PCSK2: variants seen among roughly 807,000 people sequenced by gnomAD.
PCSK2 encodes proprotein convertase subtilisin/kexin type 2.
PCSK2 carries 14 observed loss-of-function variants against 69.7 expected under a neutral mutation model. The observed-to-expected ratio is 0.20, with a 90% CI of 0.13 to 0.31. The LOEUF is 0.31. Among genes scored for constraint, PCSK2 ranks in the 10% least tolerant of loss-of-function variants. The pLI, the probability that PCSK2 is intolerant of heterozygous loss-of-function variation, is 1.00. For synonymous variants in PCSK2, 307 were observed against 320.7 expected, an observed-to-expected ratio of 0.96 and a Z score of 0.46; for missense variants, 544 against 842.5, an observed-to-expected ratio of 0.65 and a Z score of 4.39.
chr20:17,423,874 G>C (rs1210091351), intron 6 of PCSK2, among the ~76,000 whole-genome samples: 2 of 152,190 alleles, frequency 1.3e-5, no homozygotes, highest in Non-Finnish European at 2.9e-5. Flanking sequence ...TACCTTGCTA[G>C]TGATGAGGAA....
intron 2 of PCSK2, among the ~76,000 whole-genome samples, chr20:17,274,966 A>G (rs1374678833): frequency 1.3e-5 from 2 of 151,706 alleles, no homozygotes; most frequent in African/African-American, 4.8e-5. Context: ...TTCTTTGGCT[A>G]TTATTGTTTT....
At chr20:17,444,234 T>C (rs1042398840) in intron 8 of PCSK2, among the ~76,000 whole-genome samples, 4 of 152,280 alleles carry the variant, frequency 2.6e-5, no homozygotes, top group Non-Finnish European at 4.4e-5. Context: ...ACATATGTTT[T>C]GTTTGACCAA....
Position 17,358,328 on chromosome 20 carries a change from T to A in PCSK2, c.284T>A (p.Val95Glu). ...HKQQLERDPRVKMALQQEGFD... is the reference protein window; with the variant it reads ...HKQQLERDPREKMALQQEGFD... ...AATATGTCAGCATTGTCATTCCAGG[T>A]AAAGATGGCTTTGCAGCAGGAAGGA... is the stretch of plus-strand genomic sequence containing the variant. The change falls in exon 3 of 12, where the codon GTA becomes GAA. Residue 95 changes from valine to glutamate, a missense_variant and splice_region_variant. By Grantham distance (121) the Val-to-Glu change is moderately radical. Around this residue, in one of 3 missense-constraint regions of PCSK2, gnomAD observed 157 missense variants for 155.0 expected, o/e 1.01. Coordinates refer to ENST00000262545, the MANE Select transcript of PCSK2 (RefSeq NM_002594.5). 6.3e-7 allele frequency: 1 copy of A among 1,576,220 alleles called. No homozygotes were observed. Among genetic ancestry groups the A allele is most frequent in the Non-Finnish European group, 8.7e-7 (1 of 1,145,616 alleles).
chr20:17,269,032 T>C (rs936464958), intron 2 of PCSK2, among the ~76,000 whole-genome samples: 2 of 152,176 alleles, frequency 1.3e-5, no homozygotes, highest in African/African-American at 2.4e-5. Flanking sequence ...CACTTATGCA[T>C]ATGGACAAGA....
intron 2 of PCSK2, among the ~76,000 whole-genome samples, chr20:17,298,727 A>C (rs1047627467): frequency 6.6e-6 from 1 of 152,162 alleles, no homozygotes; most frequent in Non-Finnish European, 1.5e-5. Flanking sequence ...CTCTATAGAA[A>C]GGAGGAATTA....
chr20:17,308,777 G>A (rs186187916), intron 2 of PCSK2, among the ~76,000 whole-genome samples: 46 of 152,206 alleles, frequency 3.0e-4, no homozygotes, highest in Admixed American at 7.9e-4. Context: ...TGGGGTTTTC[G>A]TGGGAGCATT....
intron 10 of PCSK2, among the ~76,000 whole-genome samples, chr20:17,458,574 G>C (rs1051437529): frequency 1.3e-5 from 2 of 152,178 alleles, no homozygotes; most frequent in Non-Finnish European, 2.9e-5. Context: ...AGAGGGATGA[G>C]GAATAGGGCC....
chr20:17,260,622 T>C (rs1219461767), intron 2 of PCSK2, among the ~76,000 whole-genome samples: 2 of 152,152 alleles, frequency 1.3e-5, no homozygotes, highest in African/African-American at 4.8e-5. Flanking sequence ...GGGTGAGGAC[T>C]TCGGGTTGCC....
chr20:17,389,146 A>G (rs1198742108), intron 5 of PCSK2, among the ~76,000 whole-genome samples: 1 of 152,166 alleles, frequency 6.6e-6, no homozygotes, highest in African/African-American at 2.4e-5. Flanking sequence ...TTTAAAAGTT[A>G]ACTCTACATT....
chr20:17,238,941 G>GA (rs1007497645), intron 1 of PCSK2, among the ~76,000 whole-genome samples: 2 of 152,010 alleles, frequency 1.3e-5, no homozygotes, highest in Non-Finnish European at 1.5e-5. Flanking sequence ...TAAATACTGA[G>GA]AAAAAAATTT....
intron 2 of PCSK2, among the ~76,000 whole-genome samples, chr20:17,303,495 A>C (rs1432887991): frequency 1.6e-5 from 1 of 62,816 alleles, no homozygotes; most frequent in African/African-American, 6.4e-5. Context: ...TATTATATTT[A>C]ATATAATATA....
At chr20:17,395,076 T>C (rs1461922071) in intron 5 of PCSK2, among the ~76,000 whole-genome samples, 2 of 152,222 alleles carry the variant, frequency 1.3e-5, no homozygotes, top group Admixed American at 6.5e-5. Context: ...CCCCAGCTAT[T>C]ATAAACACTG....
chr20:17,481,768 C>T lies in PCSK2; in HGVS notation c.1615C>T (p.Arg539Cys), dbSNP rs2033406604. Residue 539 changes from arginine to cysteine, a missense_variant, in exon 12 of 12, where the codon CGT becomes TGT. Transcript: ENST00000262545. ...CACCAAGTCCATTTTGCTGAGCCGG[C>T]GTCCAAGGGATGACGACTCCAAGGT... ...MGTKSILLSRRPRDDDSKVGF... is the reference protein window; with the variant it reads ...MGTKSILLSRCPRDDDSKVGF... 6.2e-7 allele frequency: 1 copy of T among 1,614,010 alleles called. No homozygotes were observed. Among genetic ancestry groups the T allele is most frequent in the African/African-American group, 1.3e-5 (1 of 74,910 alleles).
In PCSK2 at chr20:17,409,483, A is replaced by G. The variant is rs3736719; in HGVS notation, c.620+144A>G. The G allele has an allele frequency of 4.8e-4, 298 of 621,678 alleles. 2 individuals are homozygous for G. In the East Asian group the frequency reaches 7.0e-3, roughly 15 times the overall value. The allele number at this position is 621,678 out of a possible 1,614,324, so 38.5% of individuals were successfully genotyped here. On this transcript the variant is annotated intron_variant, in intron 6 of 11. Transcript: ENST00000262545. The stretch of plus-strand genomic sequence containing the variant: ...TGTGATTTTTCTTCTTAGTGGTTAC[A>G]TTCTCTAAAGTGAAATTTTTAATAT...
At chr20:17,268,293 G>T (rs1277067283) in intron 2 of PCSK2, among the ~76,000 whole-genome samples, 1 of 151,886 alleles carries the variant, frequency 6.6e-6, no homozygotes, top group Non-Finnish European at 1.5e-5. Context: ...TGGCAATGAA[G>T]GAGAGAAACA....
rs1306141651 is a variant in PCSK2 at position 17,360,304 on chromosome 20, TACAGAAA to T, written c.397-217_397-211del. Among the ~76,000 whole-genome samples, 6 of 148,406 alleles carry T rather than the reference TACAGAAA, an allele frequency of 4.0e-5. No homozygotes were observed. In the East Asian group the frequency reaches 7.9e-4, roughly 20 times the overall value. Reference sequence around the variant, plus strand: ...GGGATTGAAACTATGTTTGCATATTTACAGAAAACAGAAAACACAAAGTGTTTATACC... The same window carrying T: ...GGGATTGAAACTATGTTTGCATATTTACAGAAAACACAAAGTGTTTATACC... On this transcript the variant is annotated intron_variant, in intron 3 of 11. Transcript: ENST00000262545.
In PCSK2 at chr20:17,429,527, A is replaced by T; in HGVS notation, c.709+4A>T. 1 of 1,602,548 alleles carries T rather than the reference A, an allele frequency of 6.2e-7. No individual in the cohort carries two copies. Among genetic ancestry groups the T allele is most frequent in the Non-Finnish European group, 8.5e-7 (1 of 1,169,810 alleles). ...GCATACAACTCCAAGGTTGCAGGTA[A>T]GCCATCCCTGCCAAACAGAGGCCCC... On this transcript the variant is annotated splice_donor_region_variant and intron_variant, in intron 7 of 11. Transcript: ENST00000262545.
chr20:17,268,234 A>G (rs1157035836), intron 2 of PCSK2, among the ~76,000 whole-genome samples: 1 of 152,078 alleles, frequency 6.6e-6, no homozygotes, highest in Non-Finnish European at 1.5e-5. Context: ...ATACTGAAAT[A>G]TAACAGTGAA....
chr20:17,331,455 T>G (rs1990204292), intron 2 of PCSK2, among the ~76,000 whole-genome samples: 1 of 152,204 alleles, frequency 6.6e-6, no homozygotes, highest in Non-Finnish European at 1.5e-5. Context: ...CATTCTCAGC[T>G]GCAATCCACC....
Sources: gnomAD v4.1 joint callset for allele counts (sites outside exome capture counted in the v4.1 genomes callset) on GRCh38, gnomAD v4.1.1 for gene constraint, gnomAD v4.1.1 regional missense constraint, MANE v1.5 for transcripts, NCBI Gene and HGNC (gene_info 2026-07-23, HGNC 2026-07-21) for gene names.